Variants in NDEL1 observed in about 807,000 individuals in gnomAD.
NDEL1 encodes nudE neurodevelopment protein 1 like 1.
Under a neutral mutation model 45.7 loss-of-function variants are expected in NDEL1, and 9 were observed. The ratio of observed to expected loss-of-function variants is 0.20; its 90% CI spans 0.12 to 0.34. The LOEUF is 0.34. Among genes scored for constraint, NDEL1 ranks in the 10% least tolerant of loss-of-function variants. The pLI, the probability that NDEL1 is intolerant of heterozygous loss-of-function variation, is 1.00. For missense variants in NDEL1, 306 were observed against 406.2 expected, an observed-to-expected ratio of 0.75 and a Z score of 2.12; for synonymous variants, 133 against 158.6, an observed-to-expected ratio of 0.84 and a Z score of 1.21.
downstream of NDEL1, among the ~76,000 whole-genome samples, chr17:8,472,676 A>G (rs922288978): frequency 2.6e-5 from 4 of 152,152 alleles, no homozygotes; most frequent in African/African-American, 9.7e-5. Flanking sequence ...AAAAAAAACA[A>G]GTTGTTATCC....
intron 1 of NDEL1, among the ~76,000 whole-genome samples, chr17:8,417,181 A>G (rs1056981407): frequency 3.3e-5 from 5 of 152,052 alleles, no homozygotes; most frequent in African/African-American, 1.2e-4. Context: ...CAACAGTGCA[A>G]TCTCGGCTCA....
In NDEL1 at chr17:8,446,908, C is replaced by T. The variant is rs765394650; in HGVS notation, c.389+6C>T. The T allele has an allele frequency of 2.5e-5, 40 of 1,612,818 alleles. No individual in the cohort carries two copies. In the Admixed American group the frequency reaches 4.0e-4, roughly 16 times the overall value. ...GACCTGGAGCGAGCCAAAAGGTAAACGAATGACTGCATTTTGTTAGAAAAA... is the reference window on the plus strand; with the variant it reads ...GACCTGGAGCGAGCCAAAAGGTAAATGAATGACTGCATTTTGTTAGAAAAA... On this transcript the variant is annotated splice_donor_region_variant and intron_variant, in intron 4 of 8. Transcript: ENST00000334527.
At chr17:8,426,823 C>T (rs1313002469) in intron 1 of NDEL1, among the ~76,000 whole-genome samples, 1 of 152,162 alleles carries the variant, frequency 6.6e-6, no homozygotes, top group Non-Finnish European at 1.5e-5. Flanking sequence ...CTCTTGAAAC[C>T]TCAGTTTACC....
intron 1 of NDEL1, among the ~76,000 whole-genome samples, chr17:8,429,709 G>C (rs1908954076): frequency 6.6e-6 from 1 of 152,156 alleles, no homozygotes; most frequent in South Asian, 2.1e-4. Context: ...GACCGTAGAA[G>C]TGGGCTGGAG....
intron 8 of NDEL1, among the ~76,000 whole-genome samples, chr17:8,462,567 G>T (rs555221299): frequency 8.3e-4 from 127 of 152,248 alleles, no homozygotes; most frequent in African/African-American, 2.8e-3. Flanking sequence ...CCACTTCCCA[G>T]GTCCATTATA....
chr17:8,440,256 GC>G (rs1159385082), intron 1 of NDEL1, among the ~76,000 whole-genome samples: 2 of 152,146 alleles, frequency 1.3e-5, no homozygotes, highest in Non-Finnish European at 2.9e-5. Context: ...GGTGGCTCAT[GC>G]CTGTAATCCC....
chr17:8,421,657 A>G (rs1479027698), intron 1 of NDEL1, among the ~76,000 whole-genome samples: 1 of 152,228 alleles, frequency 6.6e-6, no homozygotes, highest in Non-Finnish European at 1.5e-5. Flanking sequence ...TTAAGCCACC[A>G]GGCTTGTGGT....
intron 1 of NDEL1, among the ~76,000 whole-genome samples, chr17:8,426,913 C>A (rs537459267): frequency 1.3e-5 from 2 of 152,126 alleles, no homozygotes; most frequent in African/African-American, 4.8e-5. Context: ...CTGTTTCAGC[C>A]GCAACCTAAA....
chr17:8,446,693 C>A, intron 3 of NDEL1, 61 bp from the exon 4 acceptor site: 4 of 1,515,858 alleles, frequency 2.6e-6, no homozygotes, highest in African/African-American at 1.4e-5. Context: ...ACTTGAGTTA[C>A]CTCTTTAGTA....
chr17:8,415,037 C>T (rs1456811867), intron 1 of NDEL1, among the ~76,000 whole-genome samples: 1 of 152,162 alleles, frequency 6.6e-6, no homozygotes, highest in Non-Finnish European at 1.5e-5. Flanking sequence ...ATGTTGTCAT[C>T]TTAGGAGTTC....
chr17:8,419,628 G>A (rs906761325), intron 1 of NDEL1, among the ~76,000 whole-genome samples: 8 of 152,118 alleles, frequency 5.3e-5, no homozygotes, highest in South Asian at 2.1e-4. Context: ...TCTTGATCAC[G>A]ACCCCATCTA....
intron 3 of NDEL1, among the ~76,000 whole-genome samples, chr17:8,473,794 C>T (rs550414042): frequency 3.3e-5 from 5 of 152,322 alleles, no homozygotes; most frequent in Admixed American, 6.5e-5. Flanking sequence ...CTAGTTGGCC[C>T]GCACTAGAGA....
rs1419673789 is a variant in NDEL1 at position 8,437,178 on chromosome 17, G to C, written c.-13+1133G>C. 2.0e-5 allele frequency among the ~76,000 whole-genome samples: 3 copies of C among 152,102 alleles called. No individual in the cohort carries two copies. In the East Asian group the frequency reaches 5.8e-4, roughly 29 times the overall value. ...TGGGCACAGTGCAGCGTTAAGTCATGGGCTGAAGAGAAGTAAAGGGAAACC... is the reference window on the plus strand; with the variant it reads ...TGGGCACAGTGCAGCGTTAAGTCATCGGCTGAAGAGAAGTAAAGGGAAACC... On this transcript the variant is annotated intron_variant, in intron 1 of 8. Transcript: ENST00000334527.
At chr17:8,440,268 A>C (rs1052891663) in intron 1 of NDEL1, among the ~76,000 whole-genome samples, 2 of 152,212 alleles carry the variant, frequency 1.3e-5, no homozygotes, top group African/African-American at 4.8e-5. Flanking sequence ...CTGTAATCCC[A>C]GCACTTTGGG....
At chr17:8,419,941 C>T (rs1908660324) in intron 1 of NDEL1, among the ~76,000 whole-genome samples, 3 of 152,054 alleles carry the variant, frequency 2.0e-5, no homozygotes, top group Non-Finnish European at 1.5e-5. Flanking sequence ...AGCAGATCAC[C>T]CGAGAAATAA....
chr17:8,449,031 G>A (rs1910281351), intron 5 of NDEL1, among the ~76,000 whole-genome samples: 1 of 152,216 alleles, frequency 6.6e-6, no homozygotes, highest in Admixed American at 6.5e-5. Context: ...CACCCAGGCT[G>A]GAGTGCAATG....
rs932819156 is a variant in NDEL1 at position 8,465,536 on chromosome 17, G to A, written c.945-1394G>A. On this transcript the variant is annotated intron_variant, in intron 8 of 8. Coordinates refer to ENST00000334527, the MANE Select transcript of NDEL1 (RefSeq NM_030808.5). This position sits in a 1 kb window ranked among gnomAD's most constrained non-coding sequence, Gnocchi z 4.9. ...GAACTTTGTTTCTTCCAAGTAGGCAGGGACTATTTGTCAAGTCTCTGCATG... is the reference window on the plus strand; with the variant it reads ...GAACTTTGTTTCTTCCAAGTAGGCAAGGACTATTTGTCAAGTCTCTGCATG... The A allele has an allele frequency of 2.0e-5, 3 of 152,194 alleles. No homozygotes were observed. The highest frequency in any genetic ancestry group is 7.2e-5 in the African/African-American group (3 of 41,444). The allele number at this position is 152,194 out of a possible 1,614,324, so 9.4% of individuals were successfully genotyped here. A position where few individuals can be genotyped will look rare whatever the true frequency, so the allele number is the denominator to read the frequency against.
chr17:8,454,841 G>A lies in NDEL1; in HGVS notation c.746G>A (p.Arg249Lys), dbSNP rs1300891388. 1 of 1,613,956 alleles carries A rather than the reference G, an allele frequency of 6.2e-7. No homozygotes were observed. The highest frequency in any genetic ancestry group is 1.1e-5 in the South Asian group (1 of 91,056). Residue 249 changes from arginine (R) to lysine (K), a missense_variant, in exon 7 of 9, where the codon AGG (arginine) becomes AAG (lysine). By Grantham distance (26) the Arg-to-Lys change is conservative. Transcript: ENST00000334527. ...FGTSPLTPSA[R>K]ISALNIVGDL... ...ACCAGTCCACTAACTCCCTCTGCTA[G>A]GATATCAGCACTAAACATCGTGGGG...
Position 8,467,356 on chromosome 17 carries a change from G to T in NDEL1, c.*333G>T, listed in dbSNP as rs967872320. The T allele has an allele frequency of 1.4e-5, 7 of 497,424 alleles. No homozygotes were observed. In the Admixed American group the frequency reaches 2.7e-4, roughly 19 times the overall value. The allele number at this position is 497,424 out of a possible 1,614,324, so 30.8% of individuals were successfully genotyped here. On this transcript the variant is annotated 3_prime_UTR_variant, in exon 9 of 9. Coordinates refer to ENST00000334527, the MANE Select transcript of NDEL1 (RefSeq NM_030808.5). The surrounding 1 kb of genome is among the most constrained non-coding windows in gnomAD (Gnocchi z 6.3). ...ACACCTGCCCCATAGCCCCCACTCT[G>T]CTGTACTGATAGGATTTAGTTGTGT...
Sources: gnomAD v4.1 joint callset for allele counts (sites outside exome capture counted in the v4.1 genomes callset) on GRCh38, gnomAD v4.1.1 for gene constraint, Gnocchi (gnomAD v3.1) non-coding constraint, MANE v1.5 for transcripts, NCBI Gene and HGNC (gene_info 2026-07-23, HGNC 2026-07-21) for gene names.